NBPF8: variants seen among roughly 807,000 people sequenced by gnomAD.
The protein encoded by NBPF8 is NBPF member 8.
intron 3 of NBPF8, among the ~76,000 whole-genome samples, chr1:120,429,410 G>A (rs1660810713): frequency 6.6e-6 from 1 of 152,020 alleles, no homozygotes; most frequent in Admixed American, 6.5e-5. Context: ...AAGGTCCTGT[G>A]GCACCTCTCC....
chr1:120,466,387 G>A (rs1661752218), exon 25 of NBPF8: 2 of 1,032,792 alleles, frequency 1.9e-6, no homozygotes, highest in Non-Finnish European at 2.7e-6. Flanking sequence ...CCTGTGCTCA[G>A]TCTGAAGACA....
chr1:120,426,988 C>A (rs1317384080), intron 2 of NBPF8, among the ~76,000 whole-genome samples: 2 of 137,590 alleles, frequency 1.5e-5, no homozygotes, highest in East Asian at 1.9e-4. Context: ...TGCCTCTGGG[C>A]TCTCTGCTCT....
At chr1:120,415,147 T>G (rs1206752612), upstream of NBPF8, among the ~76,000 whole-genome samples, 7 of 152,026 alleles carry the variant, frequency 4.6e-5, no homozygotes, top group African/African-American at 1.7e-4. Context: ...AGCATCTGAG[T>G]GAACGCGGTG....
At chr1:120,433,194 G>A (rs1354976452), upstream of NBPF8, 4 of 152,124 alleles carry the variant, frequency 2.6e-5, no homozygotes, top group Non-Finnish European at 5.9e-5. Flanking sequence ...TTGAAAGCTA[G>A]TTTCAAAATG....
At chr1:120,421,383 C>A (rs1403760096) in intron 1 of NBPF8, among the ~76,000 whole-genome samples, 1 of 151,420 alleles carries the variant, frequency 6.6e-6, no homozygotes, top group Non-Finnish European at 1.5e-5. Context: ...TCTCTCCCCT[C>A]CCTACTTCTC....
At chr1:120,416,563 G>A (rs1439620161), upstream of NBPF8, among the ~76,000 whole-genome samples, 17 of 46,148 alleles carry the variant, frequency 3.7e-4, no homozygotes, top group Non-Finnish European at 6.2e-4. Flanking sequence ...CGTGATCATG[G>A]CAGTGCACTC....
intron 1 of NBPF8, among the ~76,000 whole-genome samples, chr1:120,422,085 T>G (rs1660592989): frequency 6.6e-6 from 1 of 152,146 alleles, no homozygotes; most frequent in African/African-American, 2.4e-5. Context: ...TAGATGTTAT[T>G]TTTTAGAAAA....
At chr1:120,457,024 CTTTG>C (rs1307895459) in intron 16 of NBPF8, among the ~76,000 whole-genome samples, 1 of 151,402 alleles carries the variant, frequency 6.6e-6, no homozygotes, top group Non-Finnish European at 1.5e-5. Flanking sequence ...ACTTATGAAG[CTTTG>C]TTTGGCTGGA....
upstream of NBPF8, among the ~76,000 whole-genome samples, chr1:120,419,561 G>T (rs1660517105): frequency 1.3e-5 from 2 of 152,142 alleles, no homozygotes; most frequent in Admixed American, 6.6e-5. Context: ...GAGGCTCAAG[G>T]AATCCTCCTG....
exon 1 of NBPF8, chr1:120,436,623 A>C (rs2101620684): frequency 6.3e-7 from 1 of 1,588,366 alleles, no homozygotes; most frequent in Non-Finnish European, 8.5e-7. Flanking sequence ...AACAAACAGC[A>C]GTTCGTAAAC....
intron 20 of NBPF8, 124 bp downstream of exon 18, chr1:120,462,321 T>A (rs1661614441): frequency 2.9e-6 from 2 of 681,352 alleles, no homozygotes; most frequent in Admixed American, 4.4e-5. Flanking sequence ...CTCCTGACAT[T>A]GCTGTTGGTT....
chr1:120,417,746 T>C (rs1410300769), upstream of NBPF8, among the ~76,000 whole-genome samples: 1 of 132,044 alleles, frequency 7.6e-6, no homozygotes, highest in Non-Finnish European at 1.6e-5. Context: ...ACTATAGGAG[T>C]GTGCCACCAT....
At chr1:120,466,408 G>T in exon 25 of NBPF8, 1 of 735,902 alleles carries the variant, frequency 1.4e-6, no homozygotes, top group Non-Finnish European at 2.1e-6. Flanking sequence ...ATGGACCCAC[G>T]TTAGGTGTGA....
At chr1:120,415,550 G>A (rs1428121262), upstream of NBPF8, among the ~76,000 whole-genome samples, 2 of 152,220 alleles carry the variant, frequency 1.3e-5, no homozygotes, top group Non-Finnish European at 2.9e-5. Context: ...GGAGGGACGA[G>A]CAGCTTCGGG....
At chr1:120,419,233 A>G (rs2101420635), upstream of NBPF8, among the ~76,000 whole-genome samples, 1 of 152,370 alleles carries the variant, frequency 6.6e-6, no homozygotes, top group African/African-American at 2.4e-5. Context: ...AAACCTTTGT[A>G]TGTGTTGCTG....
intron 1 of NBPF8, among the ~76,000 whole-genome samples, chr1:120,423,197 T>C (rs1660619623): frequency 7.4e-6 from 1 of 134,254 alleles, no homozygotes; most frequent in East Asian, 2.0e-4. Context: ...GAAGCCATCA[T>C]TGAACCCAGG....
intron 15 of NBPF8, among the ~76,000 whole-genome samples, chr1:120,454,922 CCAGGG>C (rs1489656019): frequency 6.8e-6 from 1 of 146,854 alleles, no homozygotes; most frequent in African/African-American, 2.6e-5. Flanking sequence ...CCCATGTTGG[CCAGGG>C]TAGTCCTGAA....
rs1661322921 is a variant in NBPF8 at position 120,452,847 on chromosome 1, G to A, written n.2289+516G>A. 2.6e-5 allele frequency among the ~76,000 whole-genome samples: 4 copies of A among 152,196 alleles called. No individual in the cohort carries two copies. The South Asian group carries it at 8.3e-4, about 31-fold the overall frequency. On this transcript the variant is annotated intron_variant and non_coding_transcript_variant, in intron 13 of 24. Transcript: ENST00000583271. ...GCCCTCGCCGTGTGATGTTGGAGAA[G>A]GCACTTTATGTGGGGGCGTTTTGTG...
upstream of NBPF8, among the ~76,000 whole-genome samples, chr1:120,435,739 G>T (rs1374609950): frequency 6.6e-6 from 1 of 151,576 alleles, no homozygotes; most frequent in African/African-American, 2.4e-5. Context: ...GGTGGCGGGC[G>T]CCTGTATTCC....
Sources: allele counts gnomAD v4.1 joint callset (sites outside exome capture counted in the v4.1 genomes callset), GRCh38; gene constraint gnomAD v4.1.1; transcripts MANE v1.5; gene names NCBI Gene and HGNC (gene_info 2026-07-23, HGNC 2026-07-21).